The following GREM2 variants were observed in gnomAD, a reference collection of about 807,000 sequenced individuals.
The protein encoded by GREM2 is gremlin 2, DAN family BMP antagonist.
A neutral mutation model predicts 14.2 loss-of-function variants in GREM2; 11 were observed. The observed-to-expected ratio is 0.78, with a 90% confidence interval of 0.49 to 1.28. The LOEUF is 1.28. GREM2 is among the 50% of genes most tolerant of loss of function. The probability of loss-of-function intolerance (pLI) is 0.00; values close to 1 mark genes in which losing one functional copy is unlikely to be tolerated. For missense variants in GREM2, 210 were observed against 218.5 expected, an observed-to-expected ratio of 0.96 and a Z score of 0.24; for synonymous variants, 98 against 97.6, an observed-to-expected ratio of 1.00 and a Z score of -0.02.
chr1:240,548,387 C>A (rs1008054590), intron 1 of GREM2, among the ~76,000 whole-genome samples: 2 of 152,138 alleles, frequency 1.3e-5, no homozygotes, highest in African/African-American at 2.4e-5. Context: ...CTCCCCATGT[C>A]TTTTCCAATT....
At chr1:240,537,892 A>G (rs1186674931) in intron 1 of GREM2, among the ~76,000 whole-genome samples, 2 of 152,254 alleles carry the variant, frequency 1.3e-5, no homozygotes, top group African/African-American at 4.8e-5. Flanking sequence ...ACCATGCAAA[A>G]TATCCATTAT....
rs570506315 is a variant in GREM2 at position 240,538,546 on chromosome 1, A to T, written c.-1-45070T>A. On this transcript the variant is annotated intron_variant, in intron 1 of 1. Transcript: ENST00000318160. ...GTGAGACCTTTGTCTCTCCAAAAAA[A>T]AATAATAATAATAATACAAAAATTA... Among the ~76,000 whole-genome samples the T allele has an allele frequency of 4.9e-3, 743 of 151,946 alleles. 3 individuals carry two copies. The highest frequency in any genetic ancestry group is 8.0e-3 in the Non-Finnish European group (543 of 67,966).
chr1:240,531,648 G>C, intron 1 of GREM2: 1 of 985,332 alleles, frequency 1.0e-6, no homozygotes, highest in Non-Finnish European at 1.2e-6. Context: ...CAAGGCGTCT[G>C]CCTGCTCCCT....
intron 1 of GREM2, among the ~76,000 whole-genome samples, chr1:240,527,161 T>G (rs1678243646): frequency 6.6e-6 from 1 of 152,212 alleles, no homozygotes; most frequent in African/African-American, 2.4e-5. Context: ...TTTCTAGATC[T>G]GGTGGTATGT....
Position 240,540,519 on chromosome 1 carries a change from A to C in GREM2, c.-1-47043T>G. Among the ~76,000 whole-genome samples the C allele has an allele frequency of 6.6e-6, 1 of 152,236 alleles. No homozygotes were observed. Among genetic ancestry groups the C allele is most frequent in the Non-Finnish European group, 1.5e-5 (1 of 68,010 alleles). Reference sequence around the variant, plus strand: ...AGTAAGACTGGAATCACTACCATTAACAGCAAAGAACACAAACAGCATGTA... The same window carrying C: ...AGTAAGACTGGAATCACTACCATTACCAGCAAAGAACACAAACAGCATGTA... On this transcript the variant is annotated intron_variant, in intron 1 of 1. Coordinates refer to ENST00000318160, the MANE Select transcript of GREM2 (RefSeq NM_022469.4). This position sits in a 1 kb window ranked among gnomAD's most constrained non-coding sequence, Gnocchi z 4.2.
intron 1 of GREM2, among the ~76,000 whole-genome samples, chr1:240,502,701 T>G (rs934083458): frequency 6.6e-6 from 1 of 152,206 alleles, no homozygotes; most frequent in African/African-American, 2.4e-5. Flanking sequence ...ACCGATCCTT[T>G]CACCTCAACC....
chr1:240,505,290 A>T (rs1194404586), intron 1 of GREM2, among the ~76,000 whole-genome samples: 2 of 152,032 alleles, frequency 1.3e-5, no homozygotes, highest in East Asian at 3.9e-4. Context: ...TTCTTTATAC[A>T]TTACCCATTC....
intron 1 of GREM2, among the ~76,000 whole-genome samples, chr1:240,605,598 A>C (rs1268292080): frequency 1.3e-5 from 2 of 152,116 alleles, no homozygotes; most frequent in Admixed American, 1.3e-4. Context: ...TCCCCTTAAA[A>C]ACTCTCCTGC....
chr1:240,523,496 A>T lies in GREM2; in HGVS notation c.-1-30020T>A, dbSNP rs111311480. Among the ~76,000 whole-genome samples, 81 of 152,336 alleles carry T rather than the reference A, an allele frequency of 5.3e-4. 2 individuals are homozygous for T. Among genetic ancestry groups the T allele is most frequent in the African/African-American group, 1.9e-3 (77 of 41,576 alleles). On this transcript the variant is annotated intron_variant, in intron 1 of 1. Coordinates refer to ENST00000318160, the MANE Select transcript of GREM2 (RefSeq NM_022469.4). ...CCAAATGTCCTTTGGGGAGACATTT[A>T]ACAATATAACTAAAGAAAACTCCAT... is the stretch of plus-strand genomic sequence containing the variant.
At position 240,563,330 on chromosome 1, in the gene GREM2, G is replaced by C. The variant is rs928019160; in HGVS notation, c.-2+48554C>G. ...AAAAAAATATGAAGACTTGTGACCA[G>C]AGAATGCAATGCTCCTCAGGCTAGG... On this transcript the variant is annotated intron_variant, in intron 1 of 1. Coordinates refer to ENST00000318160, the MANE Select transcript of GREM2 (RefSeq NM_022469.4). Among the ~76,000 whole-genome samples the C allele has an allele frequency of 3.3e-5, 5 of 152,160 alleles. No individual in the cohort carries two copies. The East Asian group carries it at 7.7e-4, about 23-fold the overall frequency.
At chr1:240,556,912 G>A (rs1022593545) in intron 1 of GREM2, among the ~76,000 whole-genome samples, 3 of 152,136 alleles carry the variant, frequency 2.0e-5, no homozygotes, top group Non-Finnish European at 4.4e-5. Flanking sequence ...GGCTCAGGCT[G>A]TAATCCTAGC....
intron 1 of GREM2, among the ~76,000 whole-genome samples, chr1:240,552,602 T>A (rs1298817760): frequency 6.6e-6 from 1 of 152,098 alleles, no homozygotes; most frequent in Non-Finnish European, 1.5e-5. Flanking sequence ...CGTTTTAAAT[T>A]GAAAGGCAGT....
intron 1 of GREM2, among the ~76,000 whole-genome samples, chr1:240,552,236 T>C (rs750528378): frequency 1.3e-5 from 2 of 152,176 alleles, no homozygotes; most frequent in Non-Finnish European, 2.9e-5. Context: ...GAAAGTCATA[T>C]CCAGTTTTTA....
intron 1 of GREM2, among the ~76,000 whole-genome samples, chr1:240,573,683 T>G (rs12090161): frequency 1.5e-4 from 23 of 152,238 alleles, no homozygotes; most frequent in African/African-American, 5.5e-4. Context: ...AGTGGTGAAG[T>G]CTGGATTCAA....
Position 240,490,001 on chromosome 1 carries a change from A to G in GREM2, c.*2968T>C, listed in dbSNP as rs1677211069. 6.6e-6 allele frequency: 1 copy of G among 152,248 alleles called. No individual in the cohort carries two copies. Among genetic ancestry groups the G allele is most frequent in the Admixed American group, 6.5e-5 (1 of 15,288 alleles). 9.4% of individuals were successfully genotyped at this position (152,248 alleles called of 1,614,324 possible). A position where few individuals can be genotyped will look rare whatever the true frequency, so the allele number is the denominator to read the frequency against. ...TTTTTATTGATTACGGAGTTTTCTT[A>G]AATGGCAGATTAAGTCAATTAATAG... On this transcript the variant is annotated 3_prime_UTR_variant, in exon 2 of 2. Coordinates refer to ENST00000318160, the MANE Select transcript of GREM2 (RefSeq NM_022469.4).
chr1:240,609,518 A>G (rs1460688020), intron 1 of GREM2, among the ~76,000 whole-genome samples: 1 of 152,078 alleles, frequency 6.6e-6, no homozygotes, highest in Non-Finnish European at 1.5e-5. Context: ...TTTTAATTGA[A>G]CACCTTGTCC....
chr1:240,513,180 G>A (rs978689567), intron 1 of GREM2, among the ~76,000 whole-genome samples: 1 of 152,162 alleles, frequency 6.6e-6, no homozygotes, highest in Non-Finnish European at 1.5e-5. Context: ...GGCATGCAAC[G>A]TGAGACCTGA....
At chr1:240,592,979 C>CA (rs59141248) in intron 1 of GREM2, among the ~76,000 whole-genome samples, 2,750 of 131,414 alleles carry the variant, frequency 0.021, 41 homozygotes, top group Middle Eastern at 0.035. Context: ...ATTAAAACTA[C>CA]AAAAAAAAAA....
rs2103327527 is a variant in GREM2 at position 240,542,684 on chromosome 1, C to A, written c.-1-49208G>T. Among the ~76,000 whole-genome samples, 1 of 152,046 alleles carries A rather than the reference C, an allele frequency of 6.6e-6. No individual in the cohort carries two copies. The highest frequency in any genetic ancestry group is 1.9e-4 in the East Asian group (1 of 5,160). ...ATATATTTTTCTCAGAAGGCTTGATCACACTTTGGATTTTTTTTTCACTCA... is the reference window on the plus strand; with the variant it reads ...ATATATTTTTCTCAGAAGGCTTGATAACACTTTGGATTTTTTTTTCACTCA... On this transcript the variant is annotated intron_variant, in intron 1 of 1. Transcript: ENST00000318160. The surrounding 1 kb of genome is among the most constrained non-coding windows in gnomAD (Gnocchi z 4.1).
Sources: gnomAD v4.1 joint callset for allele counts (sites outside exome capture counted in the v4.1 genomes callset) on GRCh38, gnomAD v4.1.1 for gene constraint, Gnocchi (gnomAD v3.1) non-coding constraint, MANE v1.5 for transcripts, NCBI Gene and HGNC (gene_info 2026-07-23, HGNC 2026-07-21) for gene names.